The following NFIB variants were observed in gnomAD, a reference collection of about 807,000 sequenced individuals.
NFIB encodes nuclear factor 1 B-type.
In NFIB, 11 loss-of-function variants were observed where a neutral mutation model predicts 61.5. That is an observed-to-expected ratio of 0.18 (90% CI 0.11 to 0.30). NFIB has a LOEUF of 0.30. NFIB is among the 10% of genes least tolerant of loss of function. NFIB has a pLI of 1.00. For missense variants in NFIB, 471 were observed against 608.9 expected (o/e 0.77, Z 2.38); for synonymous variants, 260 against 216.5 (o/e 1.20, Z -1.76).
intron 2 of NFIB, among the ~76,000 whole-genome samples, chr9:14,216,268 T>C (rs1224210431): frequency 6.6e-6 from 1 of 152,064 alleles, no homozygotes; most frequent in Non-Finnish European, 1.5e-5. Flanking sequence ...TGCAAAGAAA[T>C]ACAATTTGGC....
intron 2 of NFIB, among the ~76,000 whole-genome samples, chr9:14,256,865 A>T (rs907625446): frequency 1.3e-5 from 2 of 152,154 alleles, no homozygotes; most frequent in African/African-American, 4.8e-5. Context: ...CTGCCTTTGA[A>T]ATAGAACCAG....
the NFIB span, among the ~76,000 whole-genome samples, chr9:14,488,878 G>T: frequency 6.6e-6 from 1 of 152,178 alleles, no homozygotes; most frequent in Admixed American, 6.5e-5. Flanking sequence ...TCTCAGATTG[G>T]ATATGCTTTC....
At chr9:14,466,366 G>A in the NFIB span, among the ~76,000 whole-genome samples, 1 of 152,156 alleles carries the variant, frequency 6.6e-6, no homozygotes, top group African/African-American at 2.4e-5. Context: ...TGGAAAGACT[G>A]GGCTGCTCTG....
chr9:14,315,787 T>C (rs2060520073), upstream of NFIB, among the ~76,000 whole-genome samples: 1 of 150,694 alleles, frequency 6.6e-6, no homozygotes, highest in African/African-American at 2.4e-5. Context: ...CTGCTTGGGG[T>C]GGATGGGGAC....
chr9:14,457,710 A>C, the NFIB span, among the ~76,000 whole-genome samples: 7 of 152,318 alleles, frequency 4.6e-5, no homozygotes, highest in African/African-American at 1.7e-4. Flanking sequence ...ACAGAAATAC[A>C]AACTACCATC....
At chr9:14,402,270 A>G (rs557774631), upstream of NFIB, among the ~76,000 whole-genome samples, 19 of 152,340 alleles carry the variant, frequency 1.2e-4, no homozygotes, top group South Asian at 2.1e-4. Flanking sequence ...GAGGCAAACT[A>G]GTGCATATAA....
chr9:14,347,453 G>C (rs2061040179), intron 1 of NFIB: 1 of 152,446 alleles, frequency 6.6e-6, no homozygotes, highest in Admixed American at 6.5e-5. Flanking sequence ...GCCAGCTGGG[G>C]CAAACTTGAG....
At chr9:14,098,438 T>C (rs1018609780) in intron 10 of NFIB, among the ~76,000 whole-genome samples, 6 of 152,236 alleles carry the variant, frequency 3.9e-5, no homozygotes, top group African/African-American at 1.4e-4. Context: ...TCTTGGATTG[T>C]CCTTCAGCTT....
chr9:14,232,708 G>A (rs2053333162), intron 2 of NFIB, among the ~76,000 whole-genome samples: 1 of 152,142 alleles, frequency 6.6e-6, no homozygotes, highest in Admixed American at 6.5e-5. Flanking sequence ...AGAAATTTAA[G>A]GAGCAGAATC....
At chr9:14,432,532 A>G in the NFIB span, among the ~76,000 whole-genome samples, 1 of 152,252 alleles carries the variant, frequency 6.6e-6, no homozygotes, top group Non-Finnish European at 1.5e-5. Flanking sequence ...ACAAATAACC[A>G]TAGATGGGCT....
intron 1 of NFIB, among the ~76,000 whole-genome samples, chr9:14,391,870 G>T (rs2382474): frequency 0.11 from 17,194 of 152,012 alleles, 1,487 homozygotes; most frequent in East Asian, 0.33. Context: ...TAAAACTTTT[G>T]AATAAACGTT....
the NFIB span, among the ~76,000 whole-genome samples, chr9:14,493,598 A>C: frequency 6.6e-6 from 1 of 152,198 alleles, no homozygotes; most frequent in Non-Finnish European, 1.5e-5. Flanking sequence ...TCATCTGTTC[A>C]ATGCTAAGAA....
At chr9:14,101,131 T>C (rs983024779) in intron 10 of NFIB, among the ~76,000 whole-genome samples, 3 of 152,222 alleles carry the variant, frequency 2.0e-5, no homozygotes, top group African/African-American at 7.2e-5. Context: ...TTAAGACTAT[T>C]AATCATTAAG....
intron 6 of NFIB, among the ~76,000 whole-genome samples, chr9:14,132,729 C>G (rs1291770716): frequency 6.6e-6 from 1 of 151,976 alleles, no homozygotes; most frequent in Non-Finnish European, 1.5e-5. Context: ...TCACACCCAG[C>G]TAATTTGTAA....
At position 14,088,051 on chromosome 9, in the gene NFIB, G is replaced by T. The variant is rs2118458391; in HGVS notation, c.*258C>A. On this transcript the variant is annotated 3_prime_UTR_variant, in exon 11 of 11. Coordinates refer to ENST00000380953, the MANE Select transcript of NFIB (RefSeq NM_001190737.2). ...TTCAACCTTAAGGGAATTAGTGATT[G>T]TAAGTGCTGCAATTGCTGGTCTATT... is the stretch of plus-strand genomic sequence containing the variant. 4.6e-6 allele frequency: 3 copies of T among 653,710 alleles called. No homozygotes were observed. The highest frequency in any genetic ancestry group is 7.0e-5 in the South Asian group (2 of 28,398). The allele number at this position is 653,710 out of a possible 1,614,324, so 40.5% of individuals were successfully genotyped here. A position where few individuals can be genotyped will look rare whatever the true frequency, so the allele number is the denominator to read the frequency against.
At chr9:14,465,385 T>C in the NFIB span, among the ~76,000 whole-genome samples, 2 of 152,062 alleles carry the variant, frequency 1.3e-5, no homozygotes, top group Non-Finnish European at 2.9e-5. Flanking sequence ...CTACTCTAAA[T>C]GGGAAGAACA....
rs1346927511 is a variant in NFIB, at chr9:14,313,289, C to T, written c.30+193G>A. Among the ~76,000 whole-genome samples the T allele has an allele frequency of 6.6e-6, 1 of 151,594 alleles. No individual in the cohort carries two copies. Among genetic ancestry groups the T allele is most frequent in the Non-Finnish European group, 1.5e-5 (1 of 67,888 alleles). ...CGTGCCCAGGGCGCGGGGCTGGGCG[C>T]TCGCAGTGGCCGTGGCGAGGGGCCG... On this transcript the variant is annotated intron_variant, in intron 1 of 10. Coordinates refer to ENST00000380953, the MANE Select transcript of NFIB (RefSeq NM_001190737.2). This position sits in a 1 kb window ranked among gnomAD's most constrained non-coding sequence, Gnocchi z 4.5.
the NFIB span, among the ~76,000 whole-genome samples, chr9:14,521,391 T>C: frequency 1.3e-5 from 2 of 152,184 alleles, no homozygotes; most frequent in Non-Finnish European, 2.9e-5. Flanking sequence ...CATGGTGTTA[T>C]GGGAAGTGCC....
intron 2 of NFIB, among the ~76,000 whole-genome samples, chr9:14,217,156 T>A (rs2051021872): frequency 6.6e-6 from 1 of 152,196 alleles, no homozygotes; most frequent in Non-Finnish European, 1.5e-5. Flanking sequence ...TAAGAAAGAA[T>A]AACATTAATT....
Sources: allele counts gnomAD v4.1 joint callset (sites outside exome capture counted in the v4.1 genomes callset), GRCh38; gene constraint gnomAD v4.1.1; non-coding constraint Gnocchi (gnomAD v3.1); transcripts MANE v1.5; gene names NCBI Gene and HGNC (gene_info 2026-07-23, HGNC 2026-07-21).